The following ABCC9 variants were observed in gnomAD, a reference collection of about 807,000 sequenced individuals.
The protein encoded by ABCC9 is ATP binding cassette subfamily C member 9, also known as ATP-binding cassette sub-family C member 9.
A neutral mutation model predicts 188.3 loss-of-function variants in ABCC9; 95 were observed. That is an observed-to-expected ratio of 0.50 (90% CI 0.43 to 0.60). The LOEUF (loss-of-function observed/expected upper bound fraction) is 0.60, where lower values mean the gene tolerates loss of function less well. ABCC9 is among the 20% of genes least tolerant of loss of function. The pLI, the probability that ABCC9 is intolerant of heterozygous loss-of-function variation, is 0.00. For synonymous variants in ABCC9, 659 were observed against 652.7 expected, an observed-to-expected ratio of 1.01 and a Z score of -0.15; for missense variants, 1,102 against 1,876.3, an observed-to-expected ratio of 0.59 and a Z score of 7.62.
At chr12:21,851,125 T>A (rs1207297494) in intron 24 of ABCC9, among the ~76,000 whole-genome samples, 6 of 152,082 alleles carry the variant, frequency 3.9e-5, no homozygotes, top group Admixed American at 6.6e-5. Flanking sequence ...TTAAAGAAAT[T>A]CACTGGTACA....
At chr12:21,938,545 T>C (rs1489793973) in intron 2 of ABCC9, among the ~76,000 whole-genome samples, 2 of 152,160 alleles carry the variant, frequency 1.3e-5, no homozygotes, top group African/African-American at 2.4e-5. Flanking sequence ...ACTACTTCCT[T>C]TATTTAGTAG....
chr12:21,844,584 A>G, intron 27 of ABCC9, 32 bp from the exon 28 acceptor site: 1 of 1,601,046 alleles, frequency 6.2e-7, no homozygotes, highest in Non-Finnish European at 8.6e-7. Flanking sequence ...GTATATGATA[A>G]TACTAAACTA....
intron 8 of ABCC9, among the ~76,000 whole-genome samples, chr12:21,912,188 G>A (rs1345558408): frequency 6.6e-6 from 1 of 151,910 alleles, no homozygotes; most frequent in African/African-American, 2.4e-5. Context: ...ATCAGATTGA[G>A]AGAACAGAAA....
intron 30 of ABCC9, 64 bp downstream of exon 30, chr12:21,838,014 G>T: frequency 1.6e-6 from 2 of 1,277,638 alleles, no homozygotes; most frequent in South Asian, 1.2e-5. Flanking sequence ...TCAGTTATTT[G>T]TAGAAAAATA....
intron 7 of ABCC9, among the ~76,000 whole-genome samples, chr12:21,913,847 A>G (rs984675084): frequency 6.6e-6 from 1 of 152,296 alleles, no homozygotes; most frequent in Non-Finnish European, 1.5e-5. Context: ...ATAGAGCTCA[A>G]TTATGTTCCC....
chr12:21,863,780 T>G (rs1413437564), intron 19 of ABCC9, among the ~76,000 whole-genome samples: 4 of 152,274 alleles, frequency 2.6e-5, no homozygotes, highest in East Asian at 1.9e-4. Context: ...AAAAGTCAGA[T>G]TTCCACAGTT....
At chr12:21,858,371 C>T (rs1475801587) in intron 22 of ABCC9, among the ~76,000 whole-genome samples, 6 of 151,108 alleles carry the variant, frequency 4.0e-5, no homozygotes, top group African/African-American at 9.7e-5. Context: ...GTCAGGAGTT[C>T]GAGACCAGCC....
rs530536004 is a variant in ABCC9 at position 21,815,145 on chromosome 12, T to G, written c.4024-423A>C. Reference sequence around the variant, plus strand: ...CTGCAGTGAGCCGTGATCACACCACTGCACTCCACCCTTGGTGAAAGAACA... The same window carrying G: ...CTGCAGTGAGCCGTGATCACACCACGGCACTCCACCCTTGGTGAAAGAACA... On this transcript the variant is annotated intron_variant, in intron 34 of 39. Transcript: ENST00000261200. 2.3e-3 allele frequency among the ~76,000 whole-genome samples: 355 copies of G among 152,202 alleles called. 2 individuals carry two copies. The highest frequency in any genetic ancestry group is 7.9e-3 in the African/African-American group (327 of 41,522).
At chr12:21,934,016 G>T in intron 3 of ABCC9, 93 bp from the exon 4 acceptor site, 1 of 1,342,386 alleles carries the variant, frequency 7.4e-7, no homozygotes, top group Non-Finnish European at 1.0e-6. Flanking sequence ...CTTTAAGGCA[G>T]GGGTGGGGGG....
chr12:21,866,437 C>G (rs1821534378), intron 18 of ABCC9, among the ~76,000 whole-genome samples: 1 of 152,106 alleles, frequency 6.6e-6, no homozygotes, highest in South Asian at 2.1e-4. Flanking sequence ...TATAATCGTT[C>G]TTATAAAACA....
intron 20 of ABCC9, among the ~76,000 whole-genome samples, chr12:21,861,278 T>G (rs956243178): frequency 2.0e-5 from 3 of 150,410 alleles, no homozygotes; most frequent in African/African-American, 7.4e-5. Flanking sequence ...TCACCCAAGC[T>G]GGAGTTCAGT....
intron 31 of ABCC9, among the ~76,000 whole-genome samples, chr12:21,823,033 T>TA (rs1293941662): frequency 6.6e-6 from 1 of 152,192 alleles, no homozygotes; most frequent in Non-Finnish European, 1.5e-5. Flanking sequence ...ATTCTACTGC[T>TA]ATAGCCTTAC....
chr12:21,912,863 G>T lies in ABCC9; in HGVS notation c.1011+9C>A. ...AATATGTTTCCATTGAAAATCACCA[G>T]GAACTTACTCCAGTTGTGTTATTTG... On this transcript the variant is annotated intron_variant, in intron 8 of 39. Coordinates refer to ENST00000261200, the MANE Select transcript of ABCC9 (RefSeq NM_020297.4). 6.2e-7 allele frequency: 1 copy of T among 1,612,282 alleles called. No homozygotes were observed. Among genetic ancestry groups the T allele is most frequent in the Non-Finnish European group, 8.5e-7 (1 of 1,178,652 alleles).
chr12:21,885,218 T>C (rs1053410712), intron 15 of ABCC9, among the ~76,000 whole-genome samples: 2 of 152,288 alleles, frequency 1.3e-5, no homozygotes, highest in Admixed American at 1.3e-4. Context: ...AGAAGGAGTT[T>C]CCATTAGTGT....
intron 14 of ABCC9, among the ~76,000 whole-genome samples, chr12:21,892,521 G>A (rs1947210051): frequency 1.3e-5 from 2 of 152,114 alleles, no homozygotes; most frequent in African/African-American, 4.8e-5. Flanking sequence ...GCCTAATTTG[G>A]AAGTGGTGCT....
At chr12:21,886,694 C>T (rs1300936533) in intron 15 of ABCC9, among the ~76,000 whole-genome samples, 2 of 152,062 alleles carry the variant, frequency 1.3e-5, no homozygotes, top group South Asian at 2.1e-4. Flanking sequence ...AAACTCTTTC[C>T]ATGGCTTACG....
chr12:21,825,481 A>T (rs1943318067), intron 31 of ABCC9, among the ~76,000 whole-genome samples: 1 of 152,226 alleles, frequency 6.6e-6, no homozygotes. Flanking sequence ...GGATGAGTTT[A>T]TGTCCTTTGT....
chr12:21,806,181 TG>T, intron 38 of ABCC9, 121 bp from the exon 39 acceptor site: 1 of 910,958 alleles, frequency 1.1e-6, no homozygotes, highest in Non-Finnish European at 1.7e-6. Context: ...TCATTTTCTG[TG>T]GAAGTCATAA....
At chr12:21,856,025 A>G (rs1945208775) in intron 22 of ABCC9, among the ~76,000 whole-genome samples, 1 of 152,200 alleles carries the variant, frequency 6.6e-6, no homozygotes, top group Non-Finnish European at 1.5e-5. Flanking sequence ...AATAATAGTA[A>G]TAACAACAAT....
Sources: allele counts gnomAD v4.1 joint callset (sites outside exome capture counted in the v4.1 genomes callset), GRCh38; gene constraint gnomAD v4.1.1; transcripts MANE v1.5; gene names NCBI Gene and HGNC (gene_info 2026-07-23, HGNC 2026-07-21).